The following SPTA1 variants were observed in gnomAD, a reference collection of about 807,000 sequenced individuals.
SPTA1 encodes the protein spectrin alpha, erythrocytic 1.
A neutral mutation model predicts 324.7 loss-of-function variants in SPTA1; 177 were observed. That is an observed-to-expected ratio of 0.55 (90% confidence interval 0.48 to 0.62). SPTA1 has a LOEUF of 0.62. SPTA1 is among the 20% of genes least tolerant of loss of function. SPTA1 has a pLI of 0.00. For synonymous variants in SPTA1, 1,195 were observed against 1,041.3 expected (o/e 1.15, Z -2.84); for missense variants, 3,162 against 2,883.6 (o/e 1.10, Z -2.21).
chr1:158,631,517 G>A (rs1332086480), intron 39 of SPTA1, among the ~76,000 whole-genome samples: 4 of 152,034 alleles, frequency 2.6e-5, no homozygotes, highest in Admixed American at 2.6e-4. Flanking sequence ...ACACTGCTCG[G>A]GTGATAGGTG....
chr1:158,639,522 G>T, intron 35 of SPTA1, 60 bp downstream of exon 35: 1 of 1,548,050 alleles, frequency 6.5e-7, no homozygotes, highest in Non-Finnish European at 8.9e-7. Flanking sequence ...AACATGGGAG[G>T]GAGAAGAGCC....
At position 158,634,668 on chromosome 1, in the gene SPTA1, T is replaced by G; in HGVS notation, c.5440A>C (p.Lys1814Gln). ...LKELAKARGL[K>Q]LEESLEYLQF... ...AAGTATTCTAGGGATTCTTCCAACT[T>G]AAGTCCTCTATAACAAGGTGGCAAG... is the stretch of plus-strand genomic sequence containing the variant. Residue 1814 changes from lysine (K) to glutamine (Q), a missense_variant, in exon 39 of 52, where the codon AAG becomes CAG. Coordinates refer to ENST00000643759, the MANE Select transcript of SPTA1 (RefSeq NM_003126.4). The G allele has an allele frequency of 6.2e-7, 1 of 1,614,098 alleles. No homozygotes were observed. Among genetic ancestry groups the G allele is most frequent in the Non-Finnish European group, 8.5e-7 (1 of 1,180,024 alleles).
chr1:158,621,374 G>C (rs548129302), intron 43 of SPTA1, among the ~76,000 whole-genome samples: 1 of 152,204 alleles, frequency 6.6e-6, no homozygotes, highest in East Asian at 1.9e-4. Flanking sequence ...GGATTTCAAA[G>C]GTATTAAACC....
At chr1:158,669,239 A>G (rs111877794) in intron 14 of SPTA1, among the ~76,000 whole-genome samples, 169 bp downstream of exon 14, 5,216 of 152,294 alleles carry the variant, frequency 0.034, 155 homozygotes, top group South Asian at 0.16. Context: ...TTGATATTTA[A>G]CTGTATAAAT....
At chr1:158,633,477 G>A (rs1263117794) in intron 39 of SPTA1, among the ~76,000 whole-genome samples, 2 of 151,932 alleles carry the variant, frequency 1.3e-5, no homozygotes, top group African/African-American at 4.8e-5. Flanking sequence ...TGGCTAACAT[G>A]GTGAAACCCC....
chr1:158,628,633 A>C (rs1650452322), intron 39 of SPTA1, among the ~76,000 whole-genome samples: 1 of 152,162 alleles, frequency 6.6e-6, no homozygotes. Context: ...ACTTTGTATG[A>C]CTGAAAGCCT....
rs374983413 is a variant in SPTA1 at position 158,669,719 on chromosome 1, A to G, written c.1667T>C (p.Ile556Thr). ...DHYDSENIKA[I>T]RDGLLARRDA... ...GGCCCTTGGACATACCCCGTCACGG[A>G]TAGCCTTGATGTTCTCTGAATCATA... The change falls in exon 13 of 52, where the codon ATC (isoleucine) becomes ACC (threonine). Residue 556 changes from isoleucine to threonine, a missense_variant. Coordinates refer to ENST00000643759, the MANE Select transcript of SPTA1 (RefSeq NM_003126.4). The G allele has an allele frequency of 1.2e-6, 2 of 1,614,168 alleles. No homozygotes were observed. Among genetic ancestry groups the G allele is most frequent in the African/African-American group, 2.7e-5 (2 of 75,058 alleles).
intron 5 of SPTA1, 82 bp downstream of exon 5, chr1:158,680,501 C>T (rs950362797): frequency 4.4e-6 from 7 of 1,589,666 alleles, no homozygotes; most frequent in Non-Finnish European, 6.0e-6. Flanking sequence ...CCATCTCCTT[C>T]ATATCCATCT....
chr1:158,617,454 C>A, intron 47 of SPTA1, 83 bp downstream of exon 47: 1 of 1,142,712 alleles, frequency 8.8e-7, no homozygotes, highest in Non-Finnish European at 1.3e-6. Context: ...CTAAAAGTAT[C>A]ACCTGGGCTT....
chr1:158,681,984 G>A (rs1476782077), intron 3 of SPTA1, among the ~76,000 whole-genome samples: 2 of 152,164 alleles, frequency 1.3e-5, no homozygotes, highest in Non-Finnish European at 2.9e-5. Context: ...GCCTTATGGA[G>A]CAGAAAGATT....
Position 158,614,288 on chromosome 1 carries a change from A to G in SPTA1, c.6807T>C (p.Ser2269=). ...TGCTAAATTCCTTTAGAGTCTCTTC[A>G]CTCACACCTTTGATGTCCCTGAAAG... ...QIQAKDIKGV[S]EETLKEFSTI... The change falls in exon 49 of 52, where the codon AGT becomes AGC. Residue 2269 remains serine, a synonymous_variant. Coordinates refer to ENST00000643759, the MANE Select transcript of SPTA1 (RefSeq NM_003126.4). The G allele has an allele frequency of 1.9e-6, 3 of 1,597,172 alleles. No homozygotes were observed. The highest frequency in any genetic ancestry group is 2.6e-6 in the Non-Finnish European group (3 of 1,166,622).
In SPTA1 at chr1:158,645,332, G is replaced by A. The variant is rs201829580; in HGVS notation, c.4050C>T (p.Asp1350=). 57 of 1,614,014 alleles carry A rather than the reference G, an allele frequency of 3.5e-5. No homozygotes were observed. In the East Asian group the frequency reaches 1.2e-3, roughly 35 times the overall value. ...AEAPTFQALE[D]FSAELIDSGH... ...CACTGTCGATAAGTTCTGCACTGAA[G>A]TCCTCTAAGGCCTGGAAGGTGGGAG... is the stretch of plus-strand genomic sequence containing the variant. The change falls in exon 29 of 52, where the codon GAC becomes GAT. Residue 1350 remains aspartate, a synonymous_variant. Coordinates refer to ENST00000643759, the MANE Select transcript of SPTA1 (RefSeq NM_003126.4).
intron 39 of SPTA1, among the ~76,000 whole-genome samples, chr1:158,630,933 C>T (rs966446394): frequency 1.3e-5 from 2 of 152,038 alleles, no homozygotes; most frequent in African/African-American, 4.8e-5. Context: ...TGAGGTATCA[C>T]CTTACTCCTG....
Position 158,634,568 on chromosome 1 carries a change from C to T in SPTA1, c.5540G>A (p.Cys1847Tyr), listed in dbSNP as rs1444779806. The T allele has an allele frequency of 1.9e-6, 3 of 1,614,106 alleles. No individual in the cohort carries two copies. The highest frequency in any genetic ancestry group is 4.5e-5 in the East Asian group (2 of 44,882). Residue 1847 changes from cysteine to tyrosine, a missense_variant, in exon 39 of 52, where the codon TGT becomes TAT. Physicochemically the swap from Cys to Tyr is radical, Grantham distance 194. Transcript: ENST00000643759. ...EKNALAVRGDCGDTLAATQSL... is the reference protein window; with the variant it reads ...EKNALAVRGDYGDTLAATQSL... ...CTGAGTAGCAGCTAATGTATCTCCA[C>T]AATCTCCTCGGACAGCCAAAGCATT...
intron 21 of SPTA1, among the ~76,000 whole-genome samples, 199 bp downstream of exon 21, chr1:158,654,412 G>A (rs924694458): frequency 1.3e-5 from 2 of 152,014 alleles, no homozygotes; most frequent in Non-Finnish European, 2.9e-5. Context: ...CTGCAACATT[G>A]GGATTATAAT....
chr1:158,652,719 GACAA>G, intron 22 of SPTA1, 66 bp from the exon 23 acceptor site: 3 of 1,554,024 alleles, frequency 1.9e-6, no homozygotes, highest in South Asian at 2.3e-5. Context: ...GAGGCTGAGT[GACAA>G]ACATAGAGAA....
At position 158,647,868 on chromosome 1, in the gene SPTA1, C is replaced by T. The variant is rs1363033689; in HGVS notation, c.3715-148G>A. The T allele has an allele frequency of 4.8e-6, 4 of 841,842 alleles. No individual in the cohort carries two copies. In the South Asian group the frequency reaches 5.2e-5, roughly 11 times the overall value. 52.1% of individuals were successfully genotyped at this position (841,842 alleles called of 1,614,324 possible). On this transcript the variant is annotated intron_variant, in intron 26 of 51. Transcript: ENST00000643759. ...TCATACTTTACAAAATAATATCAAC[C>T]TTTTAGTCCACATAACTCCCTAAGG...
intron 15 of SPTA1, 82 bp from the exon 16 acceptor site, chr1:158,666,579 G>T: frequency 8.3e-7 from 1 of 1,206,066 alleles, no homozygotes; most frequent in Non-Finnish European, 1.2e-6. Flanking sequence ...TCCAATTGAA[G>T]GATCAATATA....
chr1:158,660,736 T>G (rs1055343409), intron 18 of SPTA1, among the ~76,000 whole-genome samples: 5 of 152,230 alleles, frequency 3.3e-5, no homozygotes, highest in Admixed American at 3.3e-4. Context: ...AAAATCCCAG[T>G]GTAATCTGCA....
Sources: allele counts gnomAD v4.1 joint callset (sites outside exome capture counted in the v4.1 genomes callset), GRCh38; gene constraint gnomAD v4.1.1; transcripts MANE v1.5; gene names NCBI Gene and HGNC (gene_info 2026-07-23, HGNC 2026-07-21).